RLN2: variants seen among roughly 807,000 people sequenced by gnomAD.
RLN2 encodes relaxin 2.
A neutral mutation model predicts 7.3 loss-of-function variants in RLN2; 10 were observed. The ratio of observed to expected loss-of-function variants is 1.36; its 90% CI spans 0.84 to 2.31. The LOEUF is 2.31. Among genes scored for constraint, RLN2 ranks in the 30% most tolerant of loss-of-function variants. RLN2 has a pLI of 0.00. For missense variants in RLN2, 298 were observed against 217.6 expected (o/e 1.37, Z -2.32); for synonymous variants, 103 against 82.3 (o/e 1.25, Z -1.36).
chr9:5,305,655 T>G (rs574318310), upstream of RLN2, among the ~76,000 whole-genome samples: 2 of 152,054 alleles, frequency 1.3e-5, no homozygotes, highest in African/African-American at 4.8e-5. Context: ...AGTAGGTTCA[T>G]TTTTTAAAAT....
upstream of RLN2, among the ~76,000 whole-genome samples, chr9:5,305,277 G>A (rs1159728369): frequency 6.6e-6 from 1 of 151,134 alleles, no homozygotes; most frequent in Non-Finnish European, 1.5e-5. Context: ...TTCCACTCTT[G>A]GGGATAAATT....
the RLN2 span, among the ~76,000 whole-genome samples, chr9:5,330,523 A>C: frequency 1.3e-5 from 2 of 151,142 alleles, no homozygotes; most frequent in African/African-American, 4.9e-5. Context: ...CTGTAGTCCC[A>C]GCTACTCTGG....
chr9:5,300,367 C>A lies in RLN2; in HGVS notation c.289G>T (p.Glu97Ter), dbSNP rs374511042. Reference protein sequence around the residue: ...MSEFVANLPQELKLTLSEMQP... With the variant: ...MSEFVANLPQ ...ATCTCAGACAGGGTTAACTTCAGCTCCTGTGGCAAATTAGCAACAAATTCT... is the reference window on the plus strand; with the variant it reads ...ATCTCAGACAGGGTTAACTTCAGCTACTGTGGCAAATTAGCAACAAATTCT... Residue 97 changes from glutamate (E) to a stop codon, truncating the protein, a stop_gained, in exon 2 of 2, where the codon GAG becomes TAG. Transcript: ENST00000381627. LOFTEE classifies it low-confidence loss of function (END_TRUNC). 8 of 1,613,512 alleles carry A rather than the reference C, an allele frequency of 5.0e-6. No individual in the cohort carries two copies. Among genetic ancestry groups the A allele is most frequent in the Non-Finnish European group, 6.8e-6 (8 of 1,179,886 alleles).
chr9:5,335,623 T>A, the RLN2 span: 1 of 1,470,636 alleles, frequency 6.8e-7, no homozygotes, highest in Non-Finnish European at 9.4e-7. Context: ...AAAAAGTGTA[T>A]GTGAAGGCGT....
At chr9:5,327,322 C>T in the RLN2 span, among the ~76,000 whole-genome samples, 28 of 152,116 alleles carry the variant, frequency 1.8e-4, 2 homozygotes, top group African/African-American at 6.3e-4. Context: ...CGACCGGCTA[C>T]GCAGCAGCTT....
the RLN2 span, among the ~76,000 whole-genome samples, chr9:5,331,673 G>A: frequency 6.6e-6 from 1 of 151,266 alleles, no homozygotes; most frequent in Non-Finnish European, 1.5e-5. Flanking sequence ...CTAGGGGGGT[G>A]GGGGGCTGTG....
intron 1 of RLN2, among the ~76,000 whole-genome samples, chr9:5,300,992 A>C: frequency 6.6e-6 from 1 of 152,232 alleles, no homozygotes; most frequent in East Asian, 1.9e-4. Context: ...AGGAGAAAGA[A>C]GTCTCTGATG....
At chr9:5,300,817 G>A (rs1239494511) in intron 1 of RLN2, among the ~76,000 whole-genome samples, 5 of 152,138 alleles carry the variant, frequency 3.3e-5, no homozygotes, top group Non-Finnish European at 7.4e-5. Flanking sequence ...ATTCTTCTTA[G>A]TTAAGTCATT....
the RLN2 span, among the ~76,000 whole-genome samples, chr9:5,334,393 T>C: frequency 4.6e-5 from 7 of 152,160 alleles, no homozygotes; most frequent in South Asian, 1.5e-3. Flanking sequence ...ATTTCTTCTA[T>C]AAATGCTGGG....
chr9:5,300,424 T>C lies in RLN2; in HGVS notation c.232A>G (p.Asn78Asp), dbSNP rs775685333. Residue 78 changes from asparagine (N) to aspartate (D), a missense_variant, in exon 2 of 2, where the codon AAC (asparagine) becomes GAC (aspartate). Asn to Asp is a conservative substitution (Grantham distance 23). Coordinates refer to ENST00000381627, the MANE Select transcript of RLN2 (RefSeq NM_134441.3). ...ATATTTATGGTTTCTGTATCTTTGT[T>C]GATGAAGGATGGCACAATTTCTGTT... ...PVAEIVPSFI[N>D]KDTETINMMS... The C allele has an allele frequency of 1.9e-6, 3 of 1,605,290 alleles. No homozygotes were observed. In the South Asian group the frequency reaches 3.4e-5, roughly 18 times the overall value.
the RLN2 span, among the ~76,000 whole-genome samples, chr9:5,327,936 T>C: frequency 6.6e-6 from 1 of 151,724 alleles, no homozygotes; most frequent in Non-Finnish European, 1.5e-5. Context: ...CAAAAGTAGA[T>C]AAAACCGCAA....
chr9:5,337,088 G>A, the RLN2 span, among the ~76,000 whole-genome samples: 1 of 152,064 alleles, frequency 6.6e-6, no homozygotes, highest in African/African-American at 2.4e-5. Context: ...AATGACAGAT[G>A]AGAATTTATA....
At chr9:5,319,268 C>T in the RLN2 span, among the ~76,000 whole-genome samples, 1 of 151,928 alleles carries the variant, frequency 6.6e-6, no homozygotes, top group Non-Finnish European at 1.5e-5. Flanking sequence ...AGGAAGCCTA[C>T]ATGACTTCCT....
the RLN2 span, among the ~76,000 whole-genome samples, chr9:5,326,301 A>G: frequency 6.6e-6 from 1 of 152,126 alleles, no homozygotes; most frequent in African/African-American, 2.4e-5. Context: ...GCAGGAAACC[A>G]TTAACTCTTT....
chr9:5,336,294 G>T, the RLN2 span, among the ~76,000 whole-genome samples: 2 of 152,062 alleles, frequency 1.3e-5, no homozygotes, highest in African/African-American at 2.4e-5. Context: ...AGATTCATAT[G>T]TGCTGTGGTG....
chr9:5,313,998 C>G, the RLN2 span, among the ~76,000 whole-genome samples: 3 of 151,898 alleles, frequency 2.0e-5, no homozygotes, highest in Non-Finnish European at 4.4e-5. Flanking sequence ...AGGAAGAGGA[C>G]CACAGCAGCC....
At chr9:5,319,753 G>A in the RLN2 span, among the ~76,000 whole-genome samples, 1 of 151,910 alleles carries the variant, frequency 6.6e-6, no homozygotes, top group African/African-American at 2.4e-5. Flanking sequence ...CTGAAATCCT[G>A]GACAGTAGTT....
chr9:5,337,937 A>G, the RLN2 span, among the ~76,000 whole-genome samples: 3 of 152,074 alleles, frequency 2.0e-5, no homozygotes, highest in Non-Finnish European at 2.9e-5. Flanking sequence ...TATGACAAAA[A>G]TACTACACAG....
At chr9:5,320,191 G>C in the RLN2 span, among the ~76,000 whole-genome samples, 1 of 151,478 alleles carries the variant, frequency 6.6e-6, no homozygotes, top group Non-Finnish European at 1.5e-5. Flanking sequence ...TCACCGTGTG[G>C]GCCAGGCTGG....
Sources: allele counts gnomAD v4.1 joint callset (sites outside exome capture counted in the v4.1 genomes callset), GRCh38; gene constraint gnomAD v4.1.1; transcripts MANE v1.5; gene names NCBI Gene and HGNC (gene_info 2026-07-23, HGNC 2026-07-21).